RGL4: variants seen among roughly 807,000 people sequenced by gnomAD.
RGL4 encodes the protein ral guanine nucleotide dissociation stimulator like 4.
A neutral mutation model predicts 49.6 loss-of-function variants in RGL4; 41 were observed. The ratio of observed to expected loss-of-function variants is 0.83; its 90% confidence interval spans 0.64 to 1.07. RGL4 has a LOEUF of 1.07. RGL4 is among the 50% of genes least tolerant of loss of function. RGL4 has a pLI of 0.00. For synonymous variants in RGL4, 255 were observed against 238.0 expected (o/e 1.07, Z -0.66); for missense variants, 610 against 591.9 (o/e 1.03, Z -0.32).
Position 23,698,334 on chromosome 22 carries a change from G to A in RGL4, c.1382+1G>A, listed in dbSNP as rs1923653905. The A allele has an allele frequency of 1.9e-6, 3 of 1,601,246 alleles. No homozygotes were observed. Among genetic ancestry groups the A allele is most frequent in the African/African-American group, 2.7e-5 (2 of 74,672 alleles). ...TGGAGCAGCTCAGTGACAAAGAGAGGTGAGGGCCTAGCCCATGGGCTGAGG... is the reference window on the plus strand; with the variant it reads ...TGGAGCAGCTCAGTGACAAAGAGAGATGAGGGCCTAGCCCATGGGCTGAGG... On this transcript the variant is annotated splice_donor_variant, in intron 10 of 10. Transcript: ENST00000290691. LOFTEE classifies it high-confidence loss of function.
In RGL4 at chr22:23,697,214, G is replaced by C; in HGVS notation, c.1205G>C (p.Arg402Thr). 4 of 1,613,708 alleles carry C rather than the reference G, an allele frequency of 2.5e-6. No homozygotes were observed. The highest frequency in any genetic ancestry group is 3.4e-6 in the Non-Finnish European group (4 of 1,179,726). Residue 402 changes from arginine to threonine, a missense_variant, in exon 8 of 11, where the codon AGG becomes ACG. Transcript: ENST00000290691. ...GGGGATTTTCTGACTGAGTTACAGA[G>C]GCTGGATTCGGCCATCCCGGACGAC... ...FLGDFLTELQ[R>T]LDSAIPDDLD...
At position 23,692,602 on chromosome 22, in the gene RGL4, G is replaced by A. The variant is rs1038649537; in HGVS notation, c.374-67G>A. ...GCTACAATTCCCTTAAATTCCACCC[G>A]GTCATTTCTGTGCTTGGAAAACCCA... On this transcript the variant is annotated intron_variant, in intron 2 of 10. Coordinates refer to ENST00000290691, the MANE Select transcript of RGL4 (RefSeq NM_153615.2). 124 of 1,576,532 alleles carry A rather than the reference G, an allele frequency of 7.9e-5. No individual in the cohort carries two copies. The highest frequency in any genetic ancestry group is 3.4e-4 in the Middle Eastern group (2 of 5,900).
rs1306360195 is a variant in RGL4 at position 23,691,969 on chromosome 22, C to T, written c.-62C>T. The T allele has an allele frequency of 5.8e-6, 9 of 1,561,882 alleles. No individual in the cohort carries two copies. Among genetic ancestry groups the T allele is most frequent in the African/African-American group, 1.3e-5 (1 of 74,156 alleles). ...CTTCCCAGCTCTCCCTGTCCTCCTC[C>T]CCCCGACATCTGCCCCTTCCCTCCT... On this transcript the variant is annotated 5_prime_UTR_variant, in exon 1 of 11. Coordinates refer to ENST00000290691, the MANE Select transcript of RGL4 (RefSeq NM_153615.2).
chr22:23,696,132 C>G (rs1046529485), intron 6 of RGL4, among the ~76,000 whole-genome samples: 5 of 152,156 alleles, frequency 3.3e-5, no homozygotes, highest in African/African-American at 1.2e-4. Context: ...TGAAGGCAGC[C>G]GAGACGGAGC....
Position 23,694,427 on chromosome 22 carries a change from C to G in RGL4, c.993C>G (p.His331Gln). The G allele has an allele frequency of 6.2e-7, 1 of 1,613,666 alleles. No homozygotes were observed. Among genetic ancestry groups the G allele is most frequent in the Non-Finnish European group, 8.5e-7 (1 of 1,179,616 alleles). Residue 331 changes from histidine to glutamine, a missense_variant, in exon 5 of 11, where the codon CAC becomes CAG. Transcript: ENST00000290691. ...ALCSNPIGQL[H>Q]KTWAGVSSKS... ...GCAGCAACCCAATAGGTCAGCTACA[C>G]AAGACGTGGGCAGGAGTGTCCAGGT...
rs1923219047 is a variant in RGL4, at chr22:23,692,742, C to G, written c.447C>G (p.Asp149Glu). ...AGCCAGCACCACCACTGCTGGCGGA[C>G]CTGGGGCCTGCTCTGGAGCCAGAGT... ...ALEPAPPLLA[D>E]LGPALEPESP... Residue 149 changes from aspartate (D) to glutamate (E), a missense_variant, in exon 3 of 11, where the codon GAC becomes GAG. Coordinates refer to ENST00000290691, the MANE Select transcript of RGL4 (RefSeq NM_153615.2). 2 of 1,613,326 alleles carry G rather than the reference C, an allele frequency of 1.2e-6. No homozygotes were observed. The highest frequency in any genetic ancestry group is 1.7e-6 in the Non-Finnish European group (2 of 1,179,978).
Position 23,691,939 on chromosome 22 carries a change from C to T in RGL4, c.-92C>T, listed in dbSNP as rs547413470. 8.0e-5 allele frequency: 111 copies of T among 1,395,626 alleles called. No individual in the cohort carries two copies. Among genetic ancestry groups the T allele is most frequent in the Non-Finnish European group, 1.1e-4 (107 of 1,010,724 alleles). 86.5% of individuals were successfully genotyped at this position (1,395,626 alleles called of 1,614,324 possible). A position where few individuals can be genotyped will look rare whatever the true frequency, so the allele number is the denominator to read the frequency against. On this transcript the variant is annotated 5_prime_UTR_variant, in exon 1 of 11. Coordinates refer to ENST00000290691, the MANE Select transcript of RGL4 (RefSeq NM_153615.2). ...CTGAGAGACCCATCCCCCTCAGCAC[C>T]GTGGCTTCCCAGCTCTCCCTGTCCT...
chr22:23,695,548 A>T (rs1367693664), intron 6 of RGL4: 1 of 441,422 alleles, frequency 2.3e-6, no homozygotes, highest in Non-Finnish European at 4.4e-6. Context: ...CAACAGAGGA[A>T]GCTCATGTGG....
Position 23,696,646 on chromosome 22 carries a change from GA to G in RGL4, c.1121del (p.Asn374ThrfsTer7). The G allele has an allele frequency of 6.2e-7, 1 of 1,613,796 alleles. No individual in the cohort carries two copies. Among genetic ancestry groups the G allele is most frequent in the East Asian group, 2.2e-5 (1 of 44,868 alleles). The stretch of plus-strand genomic sequence containing the variant: ...GCTTTAAGGTGGCCACCCAGGAGAG[GA>G]ACCCCCAGAGAGTCCAGATGAGGCT... ...GSFKVATQER[N>X]PQRVQMRLRR... On this transcript the variant is annotated frameshift_variant, in exon 7 of 11. Coordinates refer to ENST00000290691, the MANE Select transcript of RGL4 (RefSeq NM_153615.2). LOFTEE classifies it high-confidence loss of function.
Position 23,693,907 on chromosome 22 carries a change from T to C in RGL4, c.845T>C (p.Leu282Pro), listed in dbSNP as rs927500473. The C allele has an allele frequency of 2.8e-5, 45 of 1,613,770 alleles. No individual in the cohort carries two copies. In the Admixed American group the frequency reaches 4.7e-4, roughly 17 times the overall value. Residue 282 changes from leucine (L) to proline (P), a missense_variant, in exon 4 of 11, where the codon CTC becomes CCC. Physicochemically the swap from Leu to Pro is moderately conservative, Grantham distance 98 (BLOSUM62 -3). Coordinates refer to ENST00000290691, the MANE Select transcript of RGL4 (RefSeq NM_153615.2). ...ACCAACTGCATCACCACCTCCTGCC[T>C]CGGGGACCACAGCATGAGGGCCCGG... ...RLTNCITTSC[L>P]GDHSMRARDR...
chr22:23,698,548 G>A lies in RGL4; in HGVS notation c.1382+215G>A, dbSNP rs2186363. ...CCGGTTGTTCTGCTGTTGTTGTTCT[G>A]GTACAGATGGGGTTTCACGATGATG... On this transcript the variant is annotated intron_variant, in intron 10 of 10. Coordinates refer to ENST00000290691, the MANE Select transcript of RGL4 (RefSeq NM_153615.2). The A allele has an allele frequency of 6.6e-3, 4,808 of 723,120 alleles. 114 individuals carry two copies. Among genetic ancestry groups the A allele is most frequent in the South Asian group, 0.037 (2,459 of 66,342 alleles). The allele number at this position is 723,120 out of a possible 1,614,324, so 44.8% of individuals were successfully genotyped here.
chr22:23,696,666 T>A lies in RGL4; in HGVS notation c.1139T>A (p.Met380Lys), dbSNP rs753167992. 16 of 1,613,318 alleles carry A rather than the reference T, an allele frequency of 9.9e-6. No homozygotes were observed. The highest frequency in any genetic ancestry group is 2.2e-5 in the East Asian group (1 of 44,864). Residue 380 changes from methionine to lysine, a missense_variant, in exon 7 of 11, where the codon ATG (methionine) becomes AAG (lysine). Transcript: ENST00000290691. ...TQERNPQRVQMRLRRQKKGVV... is the reference protein window; with the variant it reads ...TQERNPQRVQKRLRRQKKGVV... ...GAGAGGAACCCCCAGAGAGTCCAGA[T>A]GAGGCTGCGGAGGCAGAAGAAGGTG...
intron 6 of RGL4, chr22:23,696,373 C>T (rs1191772834): frequency 6.9e-7 from 1 of 1,440,908 alleles, no homozygotes; most frequent in African/African-American, 1.4e-5. Context: ...GAAACTGAGC[C>T]CTCAGAGGCC....
chr22:23,691,914 C>CT lies in RGL4; in HGVS notation c.-116dup. 5.6e-6 allele frequency: 6 copies of CT among 1,079,796 alleles called. No individual in the cohort carries two copies. Among genetic ancestry groups the CT allele is most frequent in the Non-Finnish European group, 6.7e-6 (5 of 746,234 alleles). The allele number at this position is 1,079,796 out of a possible 1,614,324, so 66.9% of individuals were successfully genotyped here. On this transcript the variant is annotated 5_prime_UTR_variant, in exon 1 of 11. Transcript: ENST00000290691. ...GGGAGGCTGGGGTCACAGCTGGCCA[C>CT]TGAGAGACCCATCCCCCTCAGCACC... is the stretch of plus-strand genomic sequence containing the variant.
chr22:23,692,866 C>T lies in RGL4; in HGVS notation c.571C>T (p.Gln191Ter). 2 of 1,613,668 alleles carry T rather than the reference C, an allele frequency of 1.2e-6. No individual in the cohort carries two copies. The highest frequency in any genetic ancestry group is 8.5e-7 in the Non-Finnish European group (1 of 1,180,006). The change falls in exon 3 of 11, where the codon CAG becomes TAG. Residue 191 changes from glutamine to a stop codon, truncating the protein, a stop_gained. Coordinates refer to ENST00000290691, the MANE Select transcript of RGL4 (RefSeq NM_153615.2). LOFTEE classifies it high-confidence loss of function. ...CCCTCCAGGGACAGTGCTGGAGCCA[C>T]AGTCAGCCCCAGAGTCCTCCTGTCC... ...GPPPGTVLEP[Q>*]SAPESSCPCR...
chr22:23,697,053 G>A (rs1200421683), intron 7 of RGL4, 118 bp from the exon 8 acceptor site: 1 of 788,670 alleles, frequency 1.3e-6, no homozygotes, highest in Middle Eastern at 2.7e-4. Context: ...GACCTGAGGA[G>A]GGGGCTCTGG....
In RGL4 at chr22:23,695,317, C is replaced by T. The variant is rs552589761; in HGVS notation, c.1086+298C>T. 6.6e-5 allele frequency: 30 copies of T among 454,584 alleles called. No homozygotes were observed. In the East Asian group the frequency reaches 1.6e-3, roughly 25 times the overall value. The allele number at this position is 454,584 out of a possible 1,614,324, so 28.2% of individuals were successfully genotyped here. A position where few individuals can be genotyped will look rare whatever the true frequency, so the allele number is the denominator to read the frequency against. On this transcript the variant is annotated intron_variant, in intron 6 of 10. Coordinates refer to ENST00000290691, the MANE Select transcript of RGL4 (RefSeq NM_153615.2). ...GATGAGCTGCAGCATTAGCAGGGCT[C>T]TGGCTCCCATGCTGGTCCATGCTGC...
At chr22:23,693,302 G>T in intron 3 of RGL4, 1 of 483,122 alleles carries the variant, frequency 2.1e-6, no homozygotes, top group South Asian at 2.3e-5. Flanking sequence ...CTGCTCAGGA[G>T]CCTCACTACC....
Position 23,691,907 on chromosome 22 carries a change from C to T in RGL4, c.-124C>T, listed in dbSNP as rs1171712194. On this transcript the variant is annotated 5_prime_UTR_variant, in exon 1 of 11. Coordinates refer to ENST00000290691, the MANE Select transcript of RGL4 (RefSeq NM_153615.2). ...AGCAGAGGGGAGGCTGGGGTCACAG[C>T]TGGCCACTGAGAGACCCATCCCCCT... 5 of 946,470 alleles carry T rather than the reference C, an allele frequency of 5.3e-6. No individual in the cohort carries two copies. The highest frequency in any genetic ancestry group is 7.9e-6 in the Non-Finnish European group (5 of 630,808). 58.6% of individuals were successfully genotyped at this position (946,470 alleles called of 1,614,324 possible).
Sources: allele counts gnomAD v4.1 joint callset (sites outside exome capture counted in the v4.1 genomes callset), GRCh38; gene constraint gnomAD v4.1.1; transcripts MANE v1.5; gene names NCBI Gene and HGNC (gene_info 2026-07-23, HGNC 2026-07-21).